The following RBFOX1 variants were observed in gnomAD, a reference collection of about 807,000 sequenced individuals.
The protein encoded by RBFOX1 is RNA binding protein fox-1 homolog 1.
Under a neutral mutation model 57.7 loss-of-function variants are expected in RBFOX1, and 8 were observed. The ratio of observed to expected loss-of-function variants is 0.14; its 90% CI spans 0.08 to 0.25. The LOEUF (loss-of-function observed/expected upper bound fraction) is 0.25, where lower values mean the gene tolerates loss of function less well. RBFOX1 is among the 10% of genes least tolerant of loss of function. The probability of loss-of-function intolerance (pLI) is 1.00; values close to 1 mark genes in which losing one functional copy is unlikely to be tolerated. For synonymous variants in RBFOX1, 326 were observed against 222.4 expected (o/e 1.47, Z -4.15); for missense variants, 611 against 548.5 (o/e 1.11, Z -1.14).
chr16:5,794,086 A>G (rs762655611), intron 3 of RBFOX1, among the ~76,000 whole-genome samples: 6 of 152,180 alleles, frequency 3.9e-5, no homozygotes, highest in East Asian at 3.9e-4. Context: ...CGACCTTGAC[A>G]TTTAATTCCA....
intron 4 of RBFOX1, among the ~76,000 whole-genome samples, chr16:7,292,634 A>G (rs1029607375): frequency 3.3e-5 from 5 of 151,604 alleles, no homozygotes; most frequent in Non-Finnish European, 7.4e-5. Flanking sequence ...GCACGAAGTG[A>G]TGCCAAGCGA....
chr16:6,806,232 A>G (rs112727248), intron 3 of RBFOX1, among the ~76,000 whole-genome samples: 5 of 152,324 alleles, frequency 3.3e-5, no homozygotes, highest in Admixed American at 1.3e-4. Flanking sequence ...TTCTATAGCC[A>G]GTATTTGTTT....
intron 5 of RBFOX1, among the ~76,000 whole-genome samples, chr16:7,555,802 T>C (rs1378118204): frequency 2.0e-5 from 3 of 152,192 alleles, no homozygotes; most frequent in African/African-American, 7.2e-5. Flanking sequence ...AGCCATCCAT[T>C]GAAAATGTCA....
intron 4 of RBFOX1, among the ~76,000 whole-genome samples, chr16:7,201,290 C>A (rs1324382001): frequency 6.6e-6 from 1 of 152,004 alleles, no homozygotes; most frequent in Non-Finnish European, 1.5e-5. Flanking sequence ...AACGGAGAGC[C>A]AGGTAGTAGA....
chr16:6,730,862 G>C (rs1568384347), intron 3 of RBFOX1, among the ~76,000 whole-genome samples: 1 of 152,202 alleles, frequency 6.6e-6, no homozygotes, highest in African/African-American at 2.4e-5. Context: ...AAGATTCCCA[G>C]ACCCCACCCT....
At chr16:5,748,141 T>A (rs2053057725) in intron 3 of RBFOX1, among the ~76,000 whole-genome samples, 1 of 152,210 alleles carries the variant, frequency 6.6e-6, no homozygotes, top group Non-Finnish European at 1.5e-5. Context: ...TACCCAGTAG[T>A]CTTTCAGGAG....
At chr16:6,151,945 A>G (rs1222471431) in intron 1 of RBFOX1, among the ~76,000 whole-genome samples, 1 of 152,204 alleles carries the variant, frequency 6.6e-6, no homozygotes, top group African/African-American at 2.4e-5. Context: ...AGAAAAGAAA[A>G]AGCTTTAATA....
chr16:6,487,234 A>G (rs2095505353), intron 2 of RBFOX1, among the ~76,000 whole-genome samples: 1 of 151,650 alleles, frequency 6.6e-6, no homozygotes, highest in Non-Finnish European at 1.5e-5. Flanking sequence ...TTTTTGATTC[A>G]GCAAAACTAG....
intron 2 of RBFOX1, among the ~76,000 whole-genome samples, chr16:6,627,645 G>C (rs2098328286): frequency 6.6e-6 from 1 of 152,112 alleles, no homozygotes; most frequent in African/African-American, 2.4e-5. Context: ...ATGTTCTTGA[G>C]ACATGTGATA....
intron 2 of RBFOX1, among the ~76,000 whole-genome samples, chr16:6,602,857 C>A (rs571357327): frequency 6.6e-6 from 1 of 152,228 alleles, no homozygotes; most frequent in African/African-American, 2.4e-5. Context: ...CCCACCATCA[C>A]ATGCAAATGA....
intron 3 of RBFOX1, among the ~76,000 whole-genome samples, chr16:5,811,236 A>C (rs988552691): frequency 7.7e-6 from 1 of 130,272 alleles, no homozygotes; most frequent in South Asian, 2.4e-4. Flanking sequence ...TCCGCCTCCC[A>C]GGTTCTTCCA....
At chr16:5,365,504 A>G (rs759552769) in intron 1 of RBFOX1, among the ~76,000 whole-genome samples, 3 of 152,078 alleles carry the variant, frequency 2.0e-5, no homozygotes, top group Admixed American at 6.5e-5. Flanking sequence ...CCTCATCTCT[A>G]CTAAAAATAC....
chr16:6,652,330 C>G (rs779265009), intron 2 of RBFOX1, among the ~76,000 whole-genome samples: 2 of 152,036 alleles, frequency 1.3e-5, no homozygotes, highest in Non-Finnish European at 2.9e-5. Flanking sequence ...TGTCGGTAGT[C>G]CCAGCTACTC....
At chr16:7,384,632 G>C (rs896823761) in intron 4 of RBFOX1, among the ~76,000 whole-genome samples, 6 of 152,168 alleles carry the variant, frequency 3.9e-5, no homozygotes, top group African/African-American at 1.2e-4. Flanking sequence ...TGCAGGCCAT[G>C]CCAACTTTGG....
chr16:6,885,587 A>C (rs2063827592), intron 3 of RBFOX1, among the ~76,000 whole-genome samples: 2 of 151,764 alleles, frequency 1.3e-5, no homozygotes, highest in South Asian at 4.2e-4. Flanking sequence ...GCTGGAGTGT[A>C]ATGGCACAGT....
At position 7,435,399 on chromosome 16, in the gene RBFOX1, A is replaced by G. The variant is rs189098391; in HGVS notation, c.28-82748A>G. Among the ~76,000 whole-genome samples, 166 of 152,002 alleles carry G rather than the reference A, an allele frequency of 1.1e-3. 1 individual carries two copies. Among genetic ancestry groups the G allele is most frequent in the African/African-American group, 3.8e-3 (157 of 41,456 alleles). ...GTCAGTGGTACATATTATGAAAATG[A>G]CTTATCGCTGTTGATGTTCACCTTG... On this transcript the variant is annotated intron_variant, in intron 4 of 15. Transcript: ENST00000550418.
At chr16:7,112,690 GTCTCTCTGTC>G (rs149546196) in intron 4 of RBFOX1, among the ~76,000 whole-genome samples, 118 of 124,124 alleles carry the variant, frequency 9.5e-4, no homozygotes, top group African/African-American at 3.1e-3. Context: ...GTGTGGGTGT[GTCTCTCTGTC>G]TGTCTGTCCG....
intron 4 of RBFOX1, among the ~76,000 whole-genome samples, chr16:7,270,756 C>T (rs906775060): frequency 2.6e-5 from 4 of 152,210 alleles, no homozygotes; most frequent in Non-Finnish European, 4.4e-5. Context: ...CCCACTGATG[C>T]TTCACCTTGC....
At chr16:7,476,029 G>A (rs939219307) in intron 4 of RBFOX1, among the ~76,000 whole-genome samples, 2 of 151,820 alleles carry the variant, frequency 1.3e-5, no homozygotes, top group African/African-American at 2.4e-5. Context: ...GCAGTAGTTC[G>A]ATCATGGCTC....
Sources: gnomAD v4.1 joint callset for allele counts (sites outside exome capture counted in the v4.1 genomes callset) on GRCh38, gnomAD v4.1.1 for gene constraint, MANE v1.5 for transcripts, NCBI Gene and HGNC (gene_info 2026-07-23, HGNC 2026-07-21) for gene names.